Variants in PTH2R observed in about 807,000 individuals in gnomAD.
PTH2R encodes the protein parathyroid hormone 2 receptor, also known as PTH2 receptor.
PTH2R carries 59 observed loss-of-function variants against 60.3 expected under a neutral mutation model. The ratio of observed to expected loss-of-function variants is 0.98; its 90% CI spans 0.79 to 1.22. The LOEUF is 1.22. Among genes scored for constraint, PTH2R ranks in the 50% most tolerant of loss-of-function variants. The pLI, the probability that PTH2R is intolerant of heterozygous loss-of-function variation, is 0.00. For missense variants in PTH2R, 749 were observed against 682.6 expected (o/e 1.10, Z -1.08); for synonymous variants, 256 against 243.8 (o/e 1.05, Z -0.47).
Position 208,459,897 on chromosome 2 carries a change from G to T in PTH2R, c.917G>T (p.Cys306Phe), listed in dbSNP as rs758645539. Residue 306 changes from cysteine to phenylalanine, a missense_variant and splice_region_variant, in exon 9 of 13, where the codon TGC (cysteine) becomes TTC (phenylalanine). Coordinates refer to ENST00000272847, the MANE Select transcript of PTH2R (RefSeq NM_005048.4). ...ACAGCTTTTTTTCAATGTCTCAGGT[G>T]CTGGGAACTTAGTGCTGGAGACATC... Reference protein sequence around the residue: ...VARATLADARCWELSAGDIKW... With the variant: ...VARATLADARFWELSAGDIKW... 1.2e-6 allele frequency: 2 copies of T among 1,612,096 alleles called. No individual in the cohort carries two copies. The highest frequency in any genetic ancestry group is 2.2e-5 in the South Asian group (2 of 90,628).
chr2:208,425,810 C>A (rs1701846380), intron 1 of PTH2R, among the ~76,000 whole-genome samples: 1 of 152,158 alleles, frequency 6.6e-6, no homozygotes, highest in Admixed American at 6.5e-5. Flanking sequence ...TATTGATATT[C>A]CAGAGTTTCC....
chr2:208,398,896 TA>T (rs2105821610), intron 1 of PTH2R, among the ~76,000 whole-genome samples: 1 of 152,286 alleles, frequency 6.6e-6, no homozygotes, highest in Admixed American at 6.5e-5. Context: ...CAGGCACAAA[TA>T]AAACAGTCTT....
In PTH2R at chr2:208,406,997, C is replaced by T. The variant is rs763360589; in HGVS notation, c.-47C>T. 2 of 1,352,412 alleles carry T rather than the reference C, an allele frequency of 1.5e-6. No homozygotes were observed. The highest frequency in any genetic ancestry group is 1.5e-5 in the African/African-American group (1 of 66,640). The allele number at this position is 1,352,412 out of a possible 1,614,324, so 83.8% of individuals were successfully genotyped here. ...AAGTTGGCAACTTGGAAGCTTCTCC[C>T]GGGCTCTGGAGGAGGGTCCCTGCTT... On this transcript the variant is annotated 5_prime_UTR_variant, in exon 1 of 13. Coordinates refer to ENST00000272847, the MANE Select transcript of PTH2R (RefSeq NM_005048.4).
At chr2:208,487,876 A>G (rs974800341) in intron 10 of PTH2R, among the ~76,000 whole-genome samples, 1 of 152,194 alleles carries the variant, frequency 6.6e-6, no homozygotes, top group Admixed American at 6.5e-5. Flanking sequence ...GCTTCATCGA[A>G]CCAAGCAAGA....
intron 9 of PTH2R, among the ~76,000 whole-genome samples, chr2:208,468,938 A>T (rs1702818005): frequency 6.6e-6 from 1 of 152,264 alleles, no homozygotes; most frequent in African/African-American, 2.4e-5. Flanking sequence ...TAAAATAGAT[A>T]TCATGGGGAA....
chr2:208,370,094 A>G (rs2125869196), intron 1 of PTH2R, among the ~76,000 whole-genome samples: 1 of 152,200 alleles, frequency 6.6e-6, no homozygotes, highest in South Asian at 2.1e-4. Context: ...CACTGGCAAC[A>G]ATGCTACTTC....
chr2:208,467,144 G>A (rs111740524), intron 9 of PTH2R, among the ~76,000 whole-genome samples: 5 of 152,020 alleles, frequency 3.3e-5, no homozygotes, highest in Non-Finnish European at 2.9e-5. Flanking sequence ...CTTAAATTTC[G>A]GGTTAATTGG....
intron 7 of PTH2R, among the ~76,000 whole-genome samples, chr2:208,450,473 T>C (rs16841224): frequency 0.078 from 11,815 of 152,044 alleles, 506 homozygotes; most frequent in African/African-American, 0.083. Context: ...ACTTCACTCT[T>C]CTCCAAATAT....
At chr2:208,440,593 G>A (rs1702162633) in intron 4 of PTH2R, among the ~76,000 whole-genome samples, 1 of 152,180 alleles carries the variant, frequency 6.6e-6, no homozygotes, top group South Asian at 2.1e-4. Flanking sequence ...TTCCAGAAAT[G>A]GGCAAGCCCT....
chr2:208,413,413 A>G (rs897064347), intron 1 of PTH2R, among the ~76,000 whole-genome samples: 2 of 152,194 alleles, frequency 1.3e-5, no homozygotes, highest in African/African-American at 2.4e-5. Flanking sequence ...GACACTATCA[A>G]GTGTCACTGA....
At chr2:208,411,153 G>T (rs979262674) in intron 1 of PTH2R, among the ~76,000 whole-genome samples, 1 of 152,190 alleles carries the variant, frequency 6.6e-6, no homozygotes, top group South Asian at 2.1e-4. Flanking sequence ...GGCTCAGGTG[G>T]GAGGATCGCT....
Position 208,393,519 on chromosome 2 carries a change from C to T in PTH2R, c.-259+33282C>T, listed in dbSNP as rs142764357. Reference sequence around the variant, plus strand: ...TCAGGGTTGTCTACTGGAACTGCTTCCCTTCCTAGTGGAATGGAGTTTCCA... The same window carrying T: ...TCAGGGTTGTCTACTGGAACTGCTTTCCTTCCTAGTGGAATGGAGTTTCCA... On this transcript the variant is annotated intron_variant, in intron 1 of 12. Coordinates refer to the PTH2R transcript ENST00000617735. Among the ~76,000 whole-genome samples, 397 of 152,280 alleles carry T rather than the reference C, an allele frequency of 2.6e-3. 1 individual carries two copies. The highest frequency in any genetic ancestry group is 8.7e-3 in the African/African-American group (362 of 41,574).
intron 9 of PTH2R, among the ~76,000 whole-genome samples, chr2:208,463,219 C>T (rs895224540): frequency 6.6e-6 from 1 of 152,156 alleles, no homozygotes; most frequent in African/African-American, 2.4e-5. Flanking sequence ...GCTGCCTCAG[C>T]TCCACACAAT....
intron 10 of PTH2R, among the ~76,000 whole-genome samples, chr2:208,483,683 A>C (rs1448265826): frequency 1.3e-5 from 2 of 152,264 alleles, no homozygotes; most frequent in African/African-American, 4.8e-5. Context: ...AAAGATTTCA[A>C]GTATGAAATT....
At chr2:208,362,087 A>G (rs1437620090) in intron 1 of PTH2R, among the ~76,000 whole-genome samples, 1 of 152,222 alleles carries the variant, frequency 6.6e-6, no homozygotes, top group Admixed American at 6.5e-5. Context: ...TTTAGCTGGG[A>G]CATCCATCTT....
chr2:208,389,018 C>T (rs772890089), intron 1 of PTH2R, among the ~76,000 whole-genome samples: 19 of 151,984 alleles, frequency 1.3e-4, no homozygotes, highest in Non-Finnish European at 2.8e-4. Context: ...CATCAGTGCC[C>T]CTTCTTATTA....
rs1276526342 is a variant in PTH2R at position 208,451,055 on chromosome 2, AT to A, written c.914+247del. Among the ~76,000 whole-genome samples, 5 of 152,224 alleles carry A rather than the reference AT, an allele frequency of 3.3e-5. No homozygotes were observed. The South Asian group carries it at 6.2e-4, about 19-fold the overall frequency. On this transcript the variant is annotated intron_variant, in intron 8 of 12. Coordinates refer to ENST00000272847, the MANE Select transcript of PTH2R (RefSeq NM_005048.4). ...CTGACCTCCATAGATTAAGAAACAA[AT>A]GTAAAATATAATGTGAGAAGCAAGT...
intron 2 of PTH2R, among the ~76,000 whole-genome samples, chr2:208,432,669 C>A (rs1445810797): frequency 2.0e-5 from 3 of 152,144 alleles, no homozygotes; most frequent in African/African-American, 7.2e-5. Context: ...CCAAGAGCCT[C>A]AAAAACAGGG....
chr2:208,364,309 A>G (rs1270326634), intron 1 of PTH2R, among the ~76,000 whole-genome samples: 1 of 152,302 alleles, frequency 6.6e-6, no homozygotes, highest in South Asian at 2.1e-4. Context: ...TCCACATTCA[A>G]TGTCCTGACG....
Sources: allele counts gnomAD v4.1 joint callset (sites outside exome capture counted in the v4.1 genomes callset), GRCh38; gene constraint gnomAD v4.1.1; transcripts MANE v1.5; gene names NCBI Gene and HGNC (gene_info 2026-07-23, HGNC 2026-07-21).